NSMCE1: variants seen among roughly 807,000 people sequenced by gnomAD.
NSMCE1 encodes NSE1 component of SMC5/6 complex.
A neutral mutation model predicts 29.6 loss-of-function variants in NSMCE1; 18 were observed. The ratio of observed to expected loss-of-function variants is 0.61; its 90% CI spans 0.42 to 0.90. The LOEUF is 0.90. NSMCE1 is among the 40% of genes least tolerant of loss of function. The pLI is 0.00. For missense variants in NSMCE1, 314 were observed against 343.6 expected (o/e 0.91, Z 0.68); for synonymous variants, 124 against 133.4 (o/e 0.93, Z 0.49).
In NSMCE1 at chr16:27,263,656, C is replaced by T. The variant is rs533287624; in HGVS notation, c.-12+5050G>A. Among the ~76,000 whole-genome samples, 219 of 152,142 alleles carry T rather than the reference C, an allele frequency of 1.4e-3. 8 individuals carry two copies. The highest frequency in any genetic ancestry group is 4.4e-4 in the Non-Finnish European group (30 of 68,034). On this transcript the variant is annotated intron_variant, in intron 1 of 7. Transcript: ENST00000361439. ...AACAAACCCCTATGACGTGAGTTTACCTATCTAATAAACCTTCACGTGTGC... is the reference window on the plus strand; with the variant it reads ...AACAAACCCCTATGACGTGAGTTTATCTATCTAATAAACCTTCACGTGTGC...
chr16:27,240,874 AC>A (rs1022186839), intron 2 of NSMCE1, among the ~76,000 whole-genome samples: 1 of 152,220 alleles, frequency 6.6e-6, no homozygotes, highest in African/African-American at 2.4e-5. Context: ...GGAGTTCAAG[AC>A]AAGCCTGAGC....
intron 2 of NSMCE1, among the ~76,000 whole-genome samples, chr16:27,243,154 G>A (rs980991627): frequency 6.6e-6 from 1 of 152,228 alleles, no homozygotes; most frequent in Non-Finnish European, 1.5e-5. Context: ...GAATCTCCTG[G>A]CGGTTGTTTT....
At chr16:27,235,422 G>T in intron 2 of NSMCE1, 123 bp from the exon 3 acceptor site, 1 of 1,068,880 alleles carries the variant, frequency 9.4e-7, no homozygotes, top group African/African-American at 1.6e-5. Context: ...ATGGGTGGAG[G>T]CTGCAGCCTC....
chr16:27,251,023 T>C (rs1300128668), intron 2 of NSMCE1, among the ~76,000 whole-genome samples: 1 of 148,256 alleles, frequency 6.7e-6, no homozygotes, highest in Non-Finnish European at 1.5e-5. Flanking sequence ...GTATTTTTAG[T>C]AGAGACGGGG....
rs1159086597 is a variant in NSMCE1 at position 27,235,194 on chromosome 16, C to G, written c.242G>C (p.Arg81Thr). The change falls in exon 3 of 8, where the codon AGA becomes ACA. Residue 81 changes from arginine to threonine, a missense_variant. Coordinates refer to ENST00000361439, the MANE Select transcript of NSMCE1 (RefSeq NM_145080.4). Reference sequence around the variant, plus strand: ...GGCACTCACCAACGCATAAATGGGTCTCCCATCATCTTCCGTGACTCCTCT... The same window carrying G: ...GGCACTCACCAACGCATAAATGGGTGTCCCATCATCTTCCGTGACTCCTCT... Reference protein sequence around the residue: ...IKRGVTEDDGRPIYALVNLAT... With the variant: ...IKRGVTEDDGTPIYALVNLAT... The G allele has an allele frequency of 1.2e-6, 2 of 1,613,884 alleles. No homozygotes were observed. The highest frequency in any genetic ancestry group is 1.7e-6 in the Non-Finnish European group (2 of 1,179,976).
At chr16:27,252,452 T>C (rs4545819) in intron 2 of NSMCE1, among the ~76,000 whole-genome samples, 45,666 of 152,144 alleles carry the variant, frequency 0.3, 7,034 homozygotes, top group East Asian at 0.42. Flanking sequence ...TTATTTTTCT[T>C]AGAGTGTGCC....
chr16:27,251,887 T>C (rs1402482165), intron 2 of NSMCE1, among the ~76,000 whole-genome samples: 2 of 152,216 alleles, frequency 1.3e-5, no homozygotes, highest in Non-Finnish European at 1.5e-5. Flanking sequence ...GTCCACCTTA[T>C]ACTCCATTGT....
At chr16:27,256,743 C>T (rs2084091307) in intron 2 of NSMCE1, among the ~76,000 whole-genome samples, 1 of 152,214 alleles carries the variant, frequency 6.6e-6, no homozygotes, top group African/African-American at 2.4e-5. Flanking sequence ...TTGCCCCTCC[C>T]AGTGGCCCCG....
At chr16:27,239,958 C>CCAGT (rs1390206778) in intron 2 of NSMCE1, among the ~76,000 whole-genome samples, 1 of 152,038 alleles carries the variant, frequency 6.6e-6, no homozygotes, top group African/African-American at 2.4e-5. Context: ...TTATTATGTG[C>CCAGT]CAGCACTATG....
At chr16:27,247,540 A>C (rs1463445659) in intron 2 of NSMCE1, among the ~76,000 whole-genome samples, 2 of 151,986 alleles carry the variant, frequency 1.3e-5, no homozygotes, top group African/African-American at 4.8e-5. Context: ...CCTCTCACCT[A>C]CCCATCCTAT....
At chr16:27,239,108 G>A (rs1394595452) in intron 2 of NSMCE1, among the ~76,000 whole-genome samples, 1 of 152,178 alleles carries the variant, frequency 6.6e-6, no homozygotes, top group Non-Finnish European at 1.5e-5. Context: ...CTGACCTCAA[G>A]TGATCTGCCC....
Position 27,234,281 on chromosome 16 carries a change from G to C in NSMCE1, c.259-16C>G, listed in dbSNP as rs568028514. On this transcript the variant is annotated splice_polypyrimidine_tract_variant and intron_variant, in intron 3 of 7. Transcript: ENST00000361439. ...CAAGATTCACCTAAGAAATAAGTCA[G>C]CACGACAGTCAGGCTGTGCTCTTTG... is the stretch of plus-strand genomic sequence containing the variant. 21 of 1,578,336 alleles carry C rather than the reference G, an allele frequency of 1.3e-5. No homozygotes were observed. In the Admixed American group the frequency reaches 3.3e-4, roughly 25 times the overall value.
At position 27,226,817 on chromosome 16, in the gene NSMCE1, A is replaced by C; in HGVS notation, c.503T>G (p.Leu168Arg). The C allele has an allele frequency of 6.2e-7, 1 of 1,613,260 alleles. No homozygotes were observed. Among genetic ancestry groups the C allele is most frequent in the Non-Finnish European group, 8.5e-7 (1 of 1,179,202 alleles). ...CATCTCCAGGATGGCCCGGCCGTGC[A>C]GGGTGAACTCCCCTTCCTTCTGCAG... ...WLIEKEGEFT[L>R]HGRAILEMEQ... Residue 168 changes from leucine to arginine, a missense_variant, in exon 6 of 8, where the codon CTG becomes CGG. Leu to Arg is a moderately radical substitution (Grantham distance 102). Coordinates refer to ENST00000361439, the MANE Select transcript of NSMCE1 (RefSeq NM_145080.4).
intron 2 of NSMCE1, among the ~76,000 whole-genome samples, chr16:27,256,794 C>A (rs1364951401): frequency 6.6e-6 from 1 of 152,224 alleles, no homozygotes; most frequent in African/African-American, 2.4e-5. Flanking sequence ...AGGGCAGGGA[C>A]ACACTCTTCA....
intron 4 of NSMCE1, 108 bp from the exon 5 acceptor site, chr16:27,233,255 G>A: frequency 2.3e-6 from 2 of 862,930 alleles, no homozygotes; most frequent in South Asian, 3.3e-5. Context: ...CAGATCACAG[G>A]CAGAACTGTA....
intron 5 of NSMCE1, among the ~76,000 whole-genome samples, chr16:27,227,552 G>C (rs951563624): frequency 5.9e-5 from 9 of 152,182 alleles, no homozygotes; most frequent in African/African-American, 1.2e-4. Context: ...ACAGGAGAAA[G>C]GCAGCACTGA....
intron 2 of NSMCE1, among the ~76,000 whole-genome samples, chr16:27,248,978 G>A (rs1337986797): frequency 6.6e-6 from 1 of 152,074 alleles, no homozygotes; most frequent in Admixed American, 6.5e-5. Context: ...ACAGGTGCAT[G>A]CCACCATGCC....
chr16:27,241,998 CAT>C, intron 2 of NSMCE1: 1 of 342,634 alleles, frequency 2.9e-6, no homozygotes. Context: ...AAAATTCTTA[CAT>C]ATACATGCAA....
chr16:27,252,646 C>T (rs1567281925), intron 2 of NSMCE1, among the ~76,000 whole-genome samples: 2 of 152,074 alleles, frequency 1.3e-5, no homozygotes, highest in Non-Finnish European at 1.5e-5. Flanking sequence ...TAGCCGGGCG[C>T]GGTGGCTCAT....
Sources: allele counts gnomAD v4.1 joint callset (sites outside exome capture counted in the v4.1 genomes callset), GRCh38; gene constraint gnomAD v4.1.1; transcripts MANE v1.5; gene names NCBI Gene and HGNC (gene_info 2026-07-23, HGNC 2026-07-21).